EPHA6: variants seen among roughly 807,000 people sequenced by gnomAD.
The protein encoded by EPHA6 is ephrin type-A receptor 6.
In EPHA6, 50 loss-of-function variants were observed where a neutral mutation model predicts 112.0. The ratio of observed to expected loss-of-function variants is 0.45; its 90% CI spans 0.36 to 0.56. EPHA6 has a LOEUF of 0.56. Ranked by LOEUF, EPHA6 falls within the 20% of genes least tolerant of loss-of-function variation. EPHA6 has a pLI of 0.00. For synonymous variants in EPHA6, 529 were observed against 490.7 expected (o/e 1.08, Z -1.03); for missense variants, 1,280 against 1,417.4 (o/e 0.90, Z 1.56).
chr3:97,014,926 A>G (rs2044214337), intron 3 of EPHA6, among the ~76,000 whole-genome samples: 1 of 152,192 alleles, frequency 6.6e-6, no homozygotes, highest in African/African-American at 2.4e-5. Context: ...GAAGATTAGC[A>G]TATCAAGGTT....
chr3:97,523,695 GATTT>G (rs951182997), intron 10 of EPHA6, among the ~76,000 whole-genome samples: 1 of 151,802 alleles, frequency 6.6e-6, no homozygotes, highest in Non-Finnish European at 1.5e-5. Flanking sequence ...TATCTCTTCA[GATTT>G]ATTAATGTTT....
At chr3:97,606,465 G>T (rs2093680847) in intron 12 of EPHA6, among the ~76,000 whole-genome samples, 1 of 151,210 alleles carries the variant, frequency 6.6e-6, no homozygotes, top group Non-Finnish European at 1.5e-5. Context: ...TTAATAAAGT[G>T]AGGAGTCCAA....
At chr3:97,469,738 CT>C (rs1265213005) in intron 7 of EPHA6, among the ~76,000 whole-genome samples, 1 of 151,630 alleles carries the variant, frequency 6.6e-6, no homozygotes, top group African/African-American at 2.4e-5. Flanking sequence ...GATGATTTTA[CT>C]TTCTAGGCAA....
At chr3:97,134,110 CAAAT>C in intron 3 of EPHA6, among the ~76,000 whole-genome samples, 1 of 151,620 alleles carries the variant, frequency 6.6e-6, no homozygotes, top group Non-Finnish European at 1.5e-5. Context: ...CAGTTAAAAA[CAAAT>C]GAAGAGATTT....
intron 2 of EPHA6, among the ~76,000 whole-genome samples, chr3:96,950,201 C>T (rs2107716745): frequency 1.3e-5 from 2 of 152,150 alleles, no homozygotes; most frequent in South Asian, 4.2e-4. Context: ...CCACAATGCC[C>T]GTCTTAGCAT....
At chr3:97,395,408 G>C (rs931684753) in intron 5 of EPHA6, among the ~76,000 whole-genome samples, 1 of 151,684 alleles carries the variant, frequency 6.6e-6, no homozygotes, top group African/African-American at 2.4e-5. Context: ...CATGTTCTCA[G>C]GTTTCAAAAA....
chr3:97,160,357 A>G (rs1347955419), intron 3 of EPHA6, among the ~76,000 whole-genome samples: 1 of 151,878 alleles, frequency 6.6e-6, no homozygotes, highest in African/African-American at 2.4e-5. Context: ...GGTCACTACA[A>G]TCTCCGCCTC....
intron 3 of EPHA6, among the ~76,000 whole-genome samples, chr3:97,083,382 T>C (rs184529565): frequency 3.3e-5 from 5 of 152,150 alleles, no homozygotes; most frequent in African/African-American, 4.8e-5. Flanking sequence ...TGAAGATTAT[T>C]GACCATTCGT....
At chr3:96,821,684 G>C (rs972776072) in intron 1 of EPHA6, among the ~76,000 whole-genome samples, 1 of 151,632 alleles carries the variant, frequency 6.6e-6, no homozygotes, top group Non-Finnish European at 1.5e-5. Context: ...AAGTATAAAA[G>C]CTTTAAAAAT....
intron 1 of EPHA6, among the ~76,000 whole-genome samples, chr3:96,855,728 T>C (rs549965063): frequency 2.7e-5 from 4 of 149,710 alleles, no homozygotes; most frequent in Non-Finnish European, 5.9e-5. Context: ...CTGAAGAACA[T>C]AAAATTTTGC....
At chr3:97,089,811 A>G (rs551559342) in intron 3 of EPHA6, among the ~76,000 whole-genome samples, 1 of 152,232 alleles carries the variant, frequency 6.6e-6, no homozygotes, top group East Asian at 1.9e-4. Flanking sequence ...AACTCTAACC[A>G]TTTTGAAAGT....
intron 3 of EPHA6, among the ~76,000 whole-genome samples, chr3:97,070,158 C>A (rs2046308422): frequency 6.6e-6 from 1 of 152,090 alleles, no homozygotes; most frequent in Admixed American, 6.6e-5. Context: ...TGGTTTTCTT[C>A]AGAGCTTTTG....
At chr3:97,192,120 C>T (rs4857055) in intron 3 of EPHA6, among the ~76,000 whole-genome samples, 8,602 of 151,982 alleles carry the variant, frequency 0.057, 676 homozygotes, top group East Asian at 0.41. Context: ...ATTTGCCACT[C>T]TATGGGTTTT....
At chr3:97,476,046 A>G (rs1288650325) in intron 8 of EPHA6, among the ~76,000 whole-genome samples, 1 of 152,152 alleles carries the variant, frequency 6.6e-6, no homozygotes, top group Non-Finnish European at 1.5e-5. Flanking sequence ...CAGGTTTGAT[A>G]CAAAAGTATA....
rs2078031768 is a variant in EPHA6, at chr3:97,216,256, G to T, written c.1115-10008G>T. On this transcript the variant is annotated intron_variant, in intron 3 of 17. Coordinates refer to ENST00000389672, the MANE Select transcript of EPHA6 (RefSeq NM_001080448.3). ...CATGGTGTGAGCAGGAGCAAGGGGT[G>T]GGGAGGTTGTGGTCCTAGACTTTTA... Among the ~76,000 whole-genome samples the T allele has an allele frequency of 1.3e-5, 2 of 152,230 alleles. 1 individual carries two copies. Among genetic ancestry groups the T allele is most frequent in the South Asian group, 4.2e-4 (2 of 4,816 alleles).
chr3:96,860,565 G>A (rs115040387), intron 1 of EPHA6, among the ~76,000 whole-genome samples: 61 of 152,108 alleles, frequency 4.0e-4, no homozygotes, highest in Non-Finnish European at 7.5e-4. Flanking sequence ...ATTGGAAAAT[G>A]TCCAAAGCCC....
intron 3 of EPHA6, among the ~76,000 whole-genome samples, chr3:97,179,504 C>G (rs1049911486): frequency 6.6e-6 from 1 of 151,950 alleles, no homozygotes; most frequent in Non-Finnish European, 1.5e-5. Flanking sequence ...TGTAGTCAGT[C>G]TTTTTGGGAA....
chr3:96,900,815 A>G lies in EPHA6; in HGVS notation c.450+33926A>G, dbSNP rs534756956. ...AATTGCTTGTTATGAGGAGGAGGACAGGAGGAAACATTTGAAGAACAAATG... is the reference window on the plus strand; with the variant it reads ...AATTGCTTGTTATGAGGAGGAGGACGGGAGGAAACATTTGAAGAACAAATG... On this transcript the variant is annotated intron_variant, in intron 2 of 17. Transcript: ENST00000389672. Among the ~76,000 whole-genome samples the G allele has an allele frequency of 2.0e-5, 3 of 152,352 alleles. No homozygotes were observed. In the East Asian group the frequency reaches 5.8e-4, roughly 29 times the overall value.
intron 5 of EPHA6, among the ~76,000 whole-genome samples, chr3:97,303,116 C>G (rs1340503004): frequency 6.6e-6 from 1 of 151,830 alleles, no homozygotes; most frequent in East Asian, 1.9e-4. Context: ...TGTTAGACAA[C>G]TCTAAAAAGT....
Sources: gnomAD v4.1 joint callset for allele counts (sites outside exome capture counted in the v4.1 genomes callset) on GRCh38, gnomAD v4.1.1 for gene constraint, MANE v1.5 for transcripts, NCBI Gene and HGNC (gene_info 2026-07-23, HGNC 2026-07-21) for gene names.